SNX29: variants seen among roughly 807,000 people sequenced by gnomAD.
SNX29 encodes sorting nexin-29.
In SNX29, 78 loss-of-function variants were observed where a neutral mutation model predicts 102.1. The ratio of observed to expected loss-of-function variants is 0.76; its 90% CI spans 0.64 to 0.92. The LOEUF is 0.92. SNX29 is among the 40% of genes least tolerant of loss of function. SNX29 has a pLI of 0.00. For missense variants in SNX29, 1,280 were observed against 1,061.7 expected (o/e 1.21, Z -2.86); for synonymous variants, 580 against 414.5 (o/e 1.40, Z -4.85).
intron 11 of SNX29, among the ~76,000 whole-genome samples, chr16:12,111,358 C>T (rs2053494647): frequency 6.6e-6 from 1 of 152,202 alleles, no homozygotes; most frequent in Non-Finnish European, 1.5e-5. Flanking sequence ...CGTGATGTGA[C>T]CCCTGCTGCC....
At chr16:12,542,245 C>T (rs1247466671) in intron 20 of SNX29, among the ~76,000 whole-genome samples, 1 of 148,640 alleles carries the variant, frequency 6.7e-6, no homozygotes, top group Non-Finnish European at 1.5e-5. Flanking sequence ...AGTGTTATTC[C>T]CTTTATAGAT....
chr16:12,277,825 T>G (rs772105550), intron 14 of SNX29, 108 bp from the exon 15 acceptor site: 10 of 870,704 alleles, frequency 1.1e-5, no homozygotes, highest in Non-Finnish European at 1.8e-5. Context: ...TCTTGAGAGC[T>G]TTTTCAGTCT....
intron 20 of SNX29, among the ~76,000 whole-genome samples, chr16:12,548,480 G>A (rs938114977): frequency 6.6e-6 from 1 of 152,210 alleles, no homozygotes; most frequent in Admixed American, 6.5e-5. Flanking sequence ...CGGGCTTTCA[G>A]GATGACTAGT....
intron 14 of SNX29, among the ~76,000 whole-genome samples, chr16:12,228,167 C>A (rs865998624): frequency 1.3e-5 from 2 of 152,176 alleles, no homozygotes; most frequent in African/African-American, 2.4e-5. Flanking sequence ...TTTAACAAGG[C>A]CCCCAGCCGA....
At chr16:12,218,996 G>C (rs1017274540) in intron 14 of SNX29, among the ~76,000 whole-genome samples, 3 of 151,998 alleles carry the variant, frequency 2.0e-5, no homozygotes, top group South Asian at 2.1e-4. Context: ...GGTTGGTCTC[G>C]ATCTCCTGAC....
chr16:12,487,646 G>T (rs2088314118), intron 19 of SNX29, among the ~76,000 whole-genome samples: 1 of 152,160 alleles, frequency 6.6e-6, no homozygotes, highest in Non-Finnish European at 1.5e-5. Flanking sequence ...ACAGGTTTCA[G>T]CCGTAAAGTT....
chr16:12,518,946 G>A lies in SNX29; in HGVS notation c.2179-5756G>A, dbSNP rs532246662. ...GTGTAGCCTCTGGGATGCATTTCTG[G>A]GGCCTCGGCTGGTCATACTGCCTGT... On this transcript the variant is annotated intron_variant, in intron 19 of 20. Coordinates refer to ENST00000566228, the MANE Select transcript of SNX29 (RefSeq NM_032167.5). 2.2e-4 allele frequency among the ~76,000 whole-genome samples: 34 copies of A among 152,230 alleles called. 1 individual carries two copies. The highest frequency in any genetic ancestry group is 2.1e-3 in the South Asian group (10 of 4,828).
intron 18 of SNX29, among the ~76,000 whole-genome samples, chr16:12,446,532 C>G (rs932544389): frequency 1.3e-5 from 2 of 152,182 alleles, no homozygotes; most frequent in African/African-American, 2.4e-5. Flanking sequence ...CCACTGTGTG[C>G]TCAATGAATA....
chr16:12,364,800 G>T (rs750801573), intron 16 of SNX29, among the ~76,000 whole-genome samples: 3 of 152,070 alleles, frequency 2.0e-5, no homozygotes, highest in Admixed American at 6.5e-5. Context: ...CAGAAAAGAT[G>T]GCCTGGCTTG....
At chr16:12,417,471 G>C (rs912501256) in intron 18 of SNX29, among the ~76,000 whole-genome samples, 5 of 152,188 alleles carry the variant, frequency 3.3e-5, no homozygotes, top group South Asian at 2.1e-4. Context: ...TGGGTCAGAG[G>C]GGGTGGGTGG....
intron 14 of SNX29, among the ~76,000 whole-genome samples, chr16:12,261,372 G>A (rs1177219914): frequency 4.4e-5 from 6 of 137,744 alleles, no homozygotes; most frequent in African/African-American, 1.7e-4. Context: ...AGTGTTTGCT[G>A]AGCTCGGGTC....
Position 12,515,642 on chromosome 16 carries a change from C to G in SNX29, c.2179-9060C>G, listed in dbSNP as rs34392330. The G allele has an allele frequency of 9.7e-3, 4,693 of 484,214 alleles. 65 individuals are homozygous for G. Among genetic ancestry groups the G allele is most frequent in the South Asian group, 0.023 (1,492 of 64,754 alleles). 30.0% of individuals were successfully genotyped at this position (484,214 alleles called of 1,614,324 possible). On this transcript the variant is annotated intron_variant, in intron 19 of 20. Transcript: ENST00000566228. ...CAGGTGCCTTCCTGTCCTAGCCACC[C>G]AAGCCAAGTCCATCTCTGTGCCAGC...
intron 14 of SNX29, among the ~76,000 whole-genome samples, chr16:12,249,396 G>C (rs1435405270): frequency 6.6e-6 from 1 of 152,226 alleles, no homozygotes; most frequent in Non-Finnish European, 1.5e-5. Flanking sequence ...CACGTGCAAG[G>C]CTCATCAAGC....
chr16:12,559,064 G>C (rs1284600895), intron 20 of SNX29, among the ~76,000 whole-genome samples: 1 of 152,104 alleles, frequency 6.6e-6, no homozygotes, highest in Non-Finnish European at 1.5e-5. Flanking sequence ...CAATGTAGAG[G>C]TCTACCGCTG....
chr16:12,073,187 T>C (rs2051379309), intron 10 of SNX29, among the ~76,000 whole-genome samples: 1 of 152,182 alleles, frequency 6.6e-6, no homozygotes, highest in South Asian at 2.1e-4. Flanking sequence ...GCTCTGATTT[T>C]AGTTATTTCT....
chr16:12,354,096 CT>C (rs1260600224), intron 15 of SNX29, among the ~76,000 whole-genome samples: 1 of 152,158 alleles, frequency 6.6e-6, no homozygotes, highest in Admixed American at 6.5e-5. Flanking sequence ...TTCTGAGGCT[CT>C]TTCTGAGTCT....
At chr16:12,112,225 T>A (rs1308855004) in intron 11 of SNX29, among the ~76,000 whole-genome samples, 4 of 151,996 alleles carry the variant, frequency 2.6e-5, no homozygotes, top group African/African-American at 9.7e-5. Context: ...GTCCTGAGAG[T>A]GCCCAGTCAC....
chr16:12,132,311 G>C (rs1385590198), intron 13 of SNX29, among the ~76,000 whole-genome samples: 1 of 152,118 alleles, frequency 6.6e-6, no homozygotes. Context: ...TGTTGGCCAG[G>C]CTGGTCTTGA....
At chr16:12,035,803 G>A (rs977519244) in intron 4 of SNX29, among the ~76,000 whole-genome samples, 4 of 152,114 alleles carry the variant, frequency 2.6e-5, no homozygotes, top group Admixed American at 2.0e-4. Context: ...AGCCAGTTTT[G>A]AGTTTTGTTC....
Sources: gnomAD v4.1 joint callset for allele counts (sites outside exome capture counted in the v4.1 genomes callset) on GRCh38, gnomAD v4.1.1 for gene constraint, MANE v1.5 for transcripts, NCBI Gene and HGNC (gene_info 2026-07-23, HGNC 2026-07-21) for gene names.